Variants in KCNQ3 observed in about 807,000 individuals in gnomAD.
KCNQ3 encodes potassium voltage-gated channel subfamily Q member 3.
In KCNQ3, 30 loss-of-function variants were observed where a neutral mutation model predicts 92.5. The observed-to-expected ratio is 0.32, with a 90% CI of 0.24 to 0.44. The LOEUF (loss-of-function observed/expected upper bound fraction) is 0.44, where lower values mean the gene tolerates loss of function less well. Among genes scored for constraint, KCNQ3 ranks in the 20% least tolerant of loss-of-function variants. The pLI is 1.00. For synonymous variants in KCNQ3, 450 were observed against 468.8 expected (o/e 0.96, Z 0.52); for missense variants, 913 against 1,140.3 (o/e 0.80, Z 2.87).
intron 1 of KCNQ3, among the ~76,000 whole-genome samples, chr8:132,228,928 G>A (rs1814530709): frequency 6.6e-6 from 1 of 152,146 alleles, no homozygotes; most frequent in Admixed American, 6.5e-5. Flanking sequence ...CAGGGAGAGA[G>A]GGAACAATCA....
chr8:132,228,526 T>C (rs1814507258), intron 1 of KCNQ3, among the ~76,000 whole-genome samples: 1 of 152,148 alleles, frequency 6.6e-6, no homozygotes, highest in Non-Finnish European at 1.5e-5. Context: ...GAGTTTTAGA[T>C]TAATTACTAC....
chr8:132,307,343 C>T (rs370601148), intron 1 of KCNQ3, among the ~76,000 whole-genome samples: 4 of 152,148 alleles, frequency 2.6e-5, no homozygotes, highest in Non-Finnish European at 5.9e-5. Flanking sequence ...GCACTACATA[C>T]GCCCCTTAGG....
intron 1 of KCNQ3, among the ~76,000 whole-genome samples, chr8:132,398,189 T>G (rs754037609): frequency 1.3e-5 from 2 of 152,182 alleles, no homozygotes; most frequent in Non-Finnish European, 2.9e-5. Flanking sequence ...AAATTTAATC[T>G]TCACTCTCTA....
intron 1 of KCNQ3, among the ~76,000 whole-genome samples, chr8:132,228,709 T>G (rs1397114347): frequency 2.0e-5 from 3 of 150,268 alleles, no homozygotes; most frequent in Non-Finnish European, 3.0e-5. Context: ...TATCTCAGTC[T>G]GGGGGTGCCT....
intron 3 of KCNQ3, among the ~76,000 whole-genome samples, chr8:132,183,112 C>T (rs548301256): frequency 8.5e-5 from 13 of 152,182 alleles, no homozygotes; most frequent in Admixed American, 3.3e-4. Context: ...TGTCCATCCC[C>T]GAAGGACTGT....
intron 1 of KCNQ3, among the ~76,000 whole-genome samples, chr8:132,201,188 C>G (rs529972676): frequency 6.6e-6 from 1 of 152,204 alleles, no homozygotes; most frequent in Admixed American, 6.5e-5. Flanking sequence ...AAAGGTCCCA[C>G]ATTTCTCAAC....
Position 132,129,196 on chromosome 8 carries a change from T to C in KCNQ3, c.*66A>G, listed in dbSNP as rs543780278. 3 of 1,574,612 alleles carry C rather than the reference T, an allele frequency of 1.9e-6. No individual in the cohort carries two copies. Among genetic ancestry groups the C allele is most frequent in the Non-Finnish European group, 2.6e-6 (3 of 1,159,464 alleles). On this transcript the variant is annotated 3_prime_UTR_variant, in exon 15 of 15. Transcript: ENST00000388996. This position sits in a 1 kb window ranked among gnomAD's most constrained non-coding sequence, Gnocchi z 5.9. ...GGTGTCCCCGCTGGTAAGCGTCGGG[T>C]GTAAGAGTAAGTGAACTATACAAAG...
chr8:132,144,481 A>G (rs1379247691), intron 9 of KCNQ3, among the ~76,000 whole-genome samples: 1 of 152,218 alleles, frequency 6.6e-6, no homozygotes, highest in Non-Finnish European at 1.5e-5. Context: ...CTTGCAAGAA[A>G]AGCCTTCCCC....
Position 132,184,276 on chromosome 8 carries a change from C to A in KCNQ3, c.569G>T (p.Arg190Leu). ...CCCRYKGWRG[R>L]LKFARKPLCM... ...CAGGGGCTTCCTGGCAAACTTCAGT[C>A]GGCCCCGCCAGCCTTTGTATCGGCA... Residue 190 changes from arginine (R) to leucine (L), a missense_variant, in exon 3 of 15, where the codon CGA becomes CTA. By Grantham distance (102) the Arg-to-Leu change is moderately radical. Transcript: ENST00000388996. 1 of 1,614,172 alleles carries A rather than the reference C, an allele frequency of 6.2e-7. No homozygotes were observed. The highest frequency in any genetic ancestry group is 8.5e-7 in the Non-Finnish European group (1 of 1,180,032).
intron 1 of KCNQ3, among the ~76,000 whole-genome samples, chr8:132,382,249 T>A (rs1452925541): frequency 6.6e-6 from 1 of 152,186 alleles, no homozygotes; most frequent in Non-Finnish European, 1.5e-5. Flanking sequence ...TGGTAGAAAG[T>A]ATTTGGGTCC....
chr8:132,393,326 AGG>A (rs1191019495), intron 1 of KCNQ3, among the ~76,000 whole-genome samples: 1 of 152,226 alleles, frequency 6.6e-6, no homozygotes, highest in African/African-American at 2.4e-5. Context: ...CATCTAGAAC[AGG>A]GATTGGCAAA....
intron 9 of KCNQ3, 109 bp downstream of exon 9, chr8:132,163,359 T>G (rs1316401889): frequency 7.7e-6 from 7 of 909,252 alleles, no homozygotes; most frequent in South Asian, 1.3e-5. Flanking sequence ...CCCCAAAGAC[T>G]CTATCTTGGG....
At position 132,149,768 on chromosome 8, in the gene KCNQ3, A is replaced by G. The variant is rs1480971609; in HGVS notation, c.1263-8437T>C. On this transcript the variant is annotated intron_variant, in intron 9 of 14. Transcript: ENST00000388996. ...AGTGCATGGCTGTAGTGTGTGCCTC[A>G]TGTGTGTGCAGTGTCCAACGGCCAT... Among the ~76,000 whole-genome samples the G allele has an allele frequency of 2.6e-5, 4 of 151,984 alleles. No homozygotes were observed. The East Asian group carries it at 7.8e-4, about 29-fold the overall frequency.
chr8:132,388,123 A>C (rs1240805255), intron 1 of KCNQ3, among the ~76,000 whole-genome samples: 1 of 152,224 alleles, frequency 6.6e-6, no homozygotes, highest in South Asian at 2.1e-4. Flanking sequence ...GAAATAAATC[A>C]ATTAAAAATT....
At chr8:132,419,854 C>T (rs1181174403) in intron 1 of KCNQ3, among the ~76,000 whole-genome samples, 1 of 152,136 alleles carries the variant, frequency 6.6e-6, no homozygotes, top group Non-Finnish European at 1.5e-5. Flanking sequence ...ACTGTCTTAC[C>T]GGAAAACCTG....
Position 132,389,432 on chromosome 8 carries a change from G to A in KCNQ3, c.386+90715C>T, listed in dbSNP as rs187619496. On this transcript the variant is annotated intron_variant, in intron 1 of 14. Transcript: ENST00000388996. ...CACTCCATCCTGGCCAACAGAGCGA[G>A]ACTCTGACTCAAAACAAACAAAAAC... Among the ~76,000 whole-genome samples, 348 of 152,336 alleles carry A rather than the reference G, an allele frequency of 2.3e-3. 2 individuals carry two copies. Among genetic ancestry groups the A allele is most frequent in the African/African-American group, 8.2e-3 (339 of 41,568 alleles).
At chr8:132,271,754 A>T (rs1353009608) in intron 1 of KCNQ3, among the ~76,000 whole-genome samples, 1 of 152,204 alleles carries the variant, frequency 6.6e-6, no homozygotes, top group Non-Finnish European at 1.5e-5. Flanking sequence ...CGGGAAGCTG[A>T]TTGCCTTTCC....
intron 9 of KCNQ3, among the ~76,000 whole-genome samples, chr8:132,152,471 A>G (rs895304671): frequency 6.6e-6 from 1 of 152,188 alleles, no homozygotes; most frequent in Non-Finnish European, 1.5e-5. Context: ...TTCTCTACTC[A>G]TGGCAATACA....
At chr8:132,480,033 C>A in intron 1 of KCNQ3, 114 bp downstream of exon 1, 1 of 1,034,912 alleles carries the variant, frequency 9.7e-7, no homozygotes, top group South Asian at 1.5e-5. Context: ...GTCTCCCCTT[C>A]AGCGGGAAAG....
Sources: allele counts gnomAD v4.1 joint callset (sites outside exome capture counted in the v4.1 genomes callset), GRCh38; gene constraint gnomAD v4.1.1; non-coding constraint Gnocchi (gnomAD v3.1); transcripts MANE v1.5; gene names NCBI Gene and HGNC (gene_info 2026-07-23, HGNC 2026-07-21).